Variants in SCUBE1 observed in about 807,000 individuals in gnomAD.
SCUBE1 encodes signal peptide, CUB and EGF-like domain-containing protein 1.
A neutral mutation model predicts 124.4 loss-of-function variants in SCUBE1; 59 were observed. That is an observed-to-expected ratio of 0.47 (90% confidence interval 0.38 to 0.59). The LOEUF is 0.59. Ranked by LOEUF, SCUBE1 falls within the 20% of genes least tolerant of loss-of-function variation. The probability of loss-of-function intolerance (pLI) is 0.00; values close to 1 mark genes in which losing one functional copy is unlikely to be tolerated. For synonymous variants in SCUBE1, 545 were observed against 550.9 expected, an observed-to-expected ratio of 0.99 and a Z score of 0.15; for missense variants, 1,150 against 1,371.2, an observed-to-expected ratio of 0.84 and a Z score of 2.55.
At chr22:43,331,885 G>C (rs1046658713) in intron 2 of SCUBE1, among the ~76,000 whole-genome samples, 17 of 152,190 alleles carry the variant, frequency 1.1e-4, no homozygotes, top group African/African-American at 3.4e-4. Context: ...AACACGCTTA[G>C]TTAAACGGAG....
At chr22:43,212,103 G>T (rs1443904211) in intron 17 of SCUBE1, among the ~76,000 whole-genome samples, 2 of 149,378 alleles carry the variant, frequency 1.3e-5, no homozygotes, top group Admixed American at 6.7e-5. Context: ...CCACACTCCT[G>T]CCCCCACACT....
Position 43,234,911 on chromosome 22 carries a change from G to C in SCUBE1, c.845-3036C>G, listed in dbSNP as rs139020. Among the ~76,000 whole-genome samples the C allele has an allele frequency of 0.36, 54,599 of 151,966 alleles. 10,064 individuals carry two copies. Among genetic ancestry groups the C allele is most frequent in the South Asian group, 0.49 (2,340 of 4,822 alleles). Reference sequence around the variant, plus strand: ...TCCTGCCCTGGCAGCCTGGACTCCAGTGACCGCACCCAGTACAGCCACAGC... The same window carrying C: ...TCCTGCCCTGGCAGCCTGGACTCCACTGACCGCACCCAGTACAGCCACAGC... On this transcript the variant is annotated intron_variant, in intron 7 of 21. Coordinates refer to ENST00000360835, the MANE Select transcript of SCUBE1 (RefSeq NM_173050.5). This position sits in a 1 kb window ranked among gnomAD's most constrained non-coding sequence, Gnocchi z 4.4.
intron 3 of SCUBE1, among the ~76,000 whole-genome samples, chr22:43,299,919 T>A (rs973473045): frequency 5.3e-5 from 8 of 152,206 alleles, no homozygotes; most frequent in Non-Finnish European, 1.5e-5. Context: ...ACTTAGCATG[T>A]TTTCAAGCTG....
intron 10 of SCUBE1, among the ~76,000 whole-genome samples, chr22:43,225,908 C>T (rs1205345785): frequency 6.6e-6 from 1 of 152,138 alleles, no homozygotes; most frequent in Non-Finnish European, 1.5e-5. Context: ...CATGCTGCCT[C>T]CGCCACCCGT....
Position 43,227,394 on chromosome 22 carries a change from C to T in SCUBE1, c.1187G>A (p.Trp396Ter). 1.2e-6 allele frequency: 2 copies of T among 1,611,570 alleles called. No individual in the cohort carries two copies. Among genetic ancestry groups the T allele is most frequent in the Non-Finnish European group, 8.5e-7 (1 of 1,179,652 alleles). ...CVCPPGRRLH[W>*]NGKDCVETGK... ...CCTACCCACGCAATCCTTCCCGTTC[C>T]AGTGGAGCCGCCTCCCCGGGGGACA... is the stretch of plus-strand genomic sequence containing the variant. Residue 396 changes from tryptophan (W) to a stop codon, truncating the protein, a stop_gained, in exon 10 of 22, where the codon TGG (tryptophan) becomes TAG (stop). Coordinates refer to ENST00000360835, the MANE Select transcript of SCUBE1 (RefSeq NM_173050.5). LOFTEE classifies it high-confidence loss of function.
chr22:43,295,500 C>T (rs887112830), intron 3 of SCUBE1, among the ~76,000 whole-genome samples: 1 of 150,344 alleles, frequency 6.7e-6, no homozygotes, highest in Non-Finnish European at 1.5e-5. Context: ...GAGCTCACTA[C>T]CGCCAAGGGA....
chr22:43,304,872 A>G (rs140805409), intron 3 of SCUBE1, among the ~76,000 whole-genome samples: 214 of 152,238 alleles, frequency 1.4e-3, no homozygotes, highest in African/African-American at 5.1e-3. Context: ...GCACACCCCT[A>G]GTATTAATTA....
rs1923747260 is a variant in SCUBE1, at chr22:43,258,407, C to T, written c.611-72G>A. On this transcript the variant is annotated intron_variant, in intron 5 of 21. Coordinates refer to ENST00000360835, the MANE Select transcript of SCUBE1 (RefSeq NM_173050.5). The surrounding 1 kb of genome is among the most constrained non-coding windows in gnomAD (Gnocchi z 5.0). ...AAAACGGTTAGTTTGCCGGTGTTGGCGGCTGCCTTCAGGGTATGGGGAAAC... is the reference window on the plus strand; with the variant it reads ...AAAACGGTTAGTTTGCCGGTGTTGGTGGCTGCCTTCAGGGTATGGGGAAAC... 1.4e-5 allele frequency: 16 copies of T among 1,162,228 alleles called. No homozygotes were observed. The highest frequency in any genetic ancestry group is 7.6e-5 in the African/African-American group (5 of 65,988). 72.0% of individuals were successfully genotyped at this position (1,162,228 alleles called of 1,614,324 possible).
At chr22:43,236,847 A>G (rs948441385) in intron 7 of SCUBE1, among the ~76,000 whole-genome samples, 12 of 152,248 alleles carry the variant, frequency 7.9e-5, no homozygotes, top group African/African-American at 2.9e-4. Context: ...GGACCCCTAC[A>G]GGCAGGAACC....
At position 43,238,712 on chromosome 22, in the gene SCUBE1, G is replaced by A. The variant is rs779999646; in HGVS notation, c.844+126C>T. ...CAACAGCAAAGCAAATGATTGCCAC[G>A]TGTCCTTTCCCACAGCTACACGTGG... On this transcript the variant is annotated intron_variant, in intron 7 of 21. Coordinates refer to ENST00000360835, the MANE Select transcript of SCUBE1 (RefSeq NM_173050.5). 3 of 809,070 alleles carry A rather than the reference G, an allele frequency of 3.7e-6. No individual in the cohort carries two copies. The South Asian group carries it at 4.1e-5, about 11-fold the overall frequency. The allele number at this position is 809,070 out of a possible 1,614,324, so 50.1% of individuals were successfully genotyped here. A position where few individuals can be genotyped will look rare whatever the true frequency, so the allele number is the denominator to read the frequency against.
chr22:43,307,948 G>A (rs1017458740), intron 3 of SCUBE1, among the ~76,000 whole-genome samples: 3 of 119,466 alleles, frequency 2.5e-5, no homozygotes, highest in African/African-American at 8.5e-5. Flanking sequence ...GGCCAGAAGG[G>A]GGCTGGCAGG....
chr22:43,263,943 G>A (rs1054444064), intron 4 of SCUBE1, among the ~76,000 whole-genome samples: 9 of 152,196 alleles, frequency 5.9e-5, no homozygotes, highest in African/African-American at 1.9e-4. Flanking sequence ...GACCCTTTCC[G>A]CTGGCTCGAT....
At chr22:43,340,481 TACACACACACACACACAC>T (rs3047392) in intron 1 of SCUBE1, among the ~76,000 whole-genome samples, 92 of 136,112 alleles carry the variant, frequency 6.8e-4, no homozygotes, top group East Asian at 2.2e-3. Flanking sequence ...TTGTCTCTTT[TACACACACACACACACAC>T]ACACACACAC....
chr22:43,221,354 G>C (rs374968836), intron 12 of SCUBE1, 65 bp from the exon 13 acceptor site: 3 of 888,878 alleles, frequency 3.4e-6, no homozygotes, highest in Admixed American at 1.7e-5. Flanking sequence ...GGTGGGGGAC[G>C]GGGGCTGCCA....
At chr22:43,290,293 T>C (rs12159767) in intron 4 of SCUBE1, among the ~76,000 whole-genome samples, 28 of 146,546 alleles carry the variant, frequency 1.9e-4, no homozygotes, top group African/African-American at 7.3e-4. Flanking sequence ...GTGTCCTGGC[T>C]CTCTCCTCCA....
At chr22:43,272,286 A>C (rs1924323085) in intron 4 of SCUBE1, 1 of 151,952 alleles carries the variant, frequency 6.6e-6, no homozygotes, top group South Asian at 2.1e-4. Context: ...TCCCCTTCCC[A>C]CCCACTCCAC....
intron 6 of SCUBE1, among the ~76,000 whole-genome samples, chr22:43,254,142 TGAG>T (rs1569507758): frequency 6.6e-6 from 1 of 152,232 alleles, no homozygotes; most frequent in Non-Finnish European, 1.5e-5. Context: ...CCAGAGAATT[TGAG>T]GAGAACTAGC....
Position 43,258,679 on chromosome 22 carries a change from CTGTCTTGATGGGGCAAATGTT to C in SCUBE1, c.611-365_611-345del, listed in dbSNP as rs1923759026. Among the ~76,000 whole-genome samples the C allele has an allele frequency of 6.6e-6, 1 of 152,192 alleles. No individual in the cohort carries two copies. Among genetic ancestry groups the C allele is most frequent in the Non-Finnish European group, 1.5e-5 (1 of 68,034 alleles). On this transcript the variant is annotated intron_variant, in intron 5 of 21. Coordinates refer to ENST00000360835, the MANE Select transcript of SCUBE1 (RefSeq NM_173050.5). This position sits in a 1 kb window ranked among gnomAD's most constrained non-coding sequence, Gnocchi z 5.0. ...AGACTGCAGGACATTTTATAGCTGC[CTGTCTTGATGGGGCAAATGTT>C]TGCCAATGCCAGGACATACTTGTCA...
intron 3 of SCUBE1, among the ~76,000 whole-genome samples, chr22:43,318,058 C>A (rs1926412670): frequency 6.6e-6 from 1 of 152,222 alleles, no homozygotes; most frequent in Non-Finnish European, 1.5e-5. Context: ...ACCCTGCCCA[C>A]ACCTTGAGTT....
Sources: gnomAD v4.1 joint callset for allele counts (sites outside exome capture counted in the v4.1 genomes callset) on GRCh38, gnomAD v4.1.1 for gene constraint, Gnocchi (gnomAD v3.1) non-coding constraint, MANE v1.5 for transcripts, NCBI Gene and HGNC (gene_info 2026-07-23, HGNC 2026-07-21) for gene names.